ETV1: variants seen among roughly 807,000 people sequenced by gnomAD.
ETV1 encodes ETS translocation variant 1.
Under a neutral mutation model 62.3 loss-of-function variants are expected in ETV1, and 27 were observed. That is an observed-to-expected ratio of 0.43 (90% CI 0.32 to 0.60). The LOEUF (loss-of-function observed/expected upper bound fraction) is 0.60. Ranked by LOEUF, ETV1 falls within the 20% of genes least tolerant of loss-of-function variation. The pLI, the probability that ETV1 is intolerant of heterozygous loss-of-function variation, is 0.06. For synonymous variants in ETV1, 222 were observed against 199.6 expected, an observed-to-expected ratio of 1.11 and a Z score of -0.94; for missense variants, 605 against 605.8, an observed-to-expected ratio of 1.00 and a Z score of 0.01.
chr7:13,981,272 A>G (rs1427248089), intron 5 of ETV1, among the ~76,000 whole-genome samples: 3 of 152,126 alleles, frequency 2.0e-5, no homozygotes, highest in Non-Finnish European at 2.9e-5. Flanking sequence ...TGATCTCCTC[A>G]GCAATTCCTC....
At chr7:13,987,858 C>G (rs1013067447) in intron 4 of ETV1, among the ~76,000 whole-genome samples, 3 of 152,166 alleles carry the variant, frequency 2.0e-5, no homozygotes, top group Admixed American at 2.0e-4. Context: ...AGAAGGTTGT[C>G]ATTGAGAAGT....
intron 13 of ETV1, 112 bp from the exon 14 acceptor site, chr7:13,896,199 T>G (rs1781756122): frequency 1.3e-6 from 1 of 761,504 alleles, no homozygotes; most frequent in South Asian, 1.9e-5. Flanking sequence ...TGGGTAACTC[T>G]GGCCCAAAAA....
intron 6 of ETV1, 86 bp from the exon 7 acceptor site, chr7:13,939,332 G>A: frequency 1.7e-6 from 2 of 1,155,910 alleles, no homozygotes; most frequent in Non-Finnish European, 2.4e-6. Flanking sequence ...TTGTTAAAAA[G>A]GTCATTCACA....
chr7:13,980,287 T>G (rs1781853027), intron 5 of ETV1, among the ~76,000 whole-genome samples: 2 of 152,142 alleles, frequency 1.3e-5, no homozygotes, highest in South Asian at 4.1e-4. Context: ...ACAAGTTGGA[T>G]CTAGGCAAGG....
intron 6 of ETV1, among the ~76,000 whole-genome samples, chr7:13,945,166 G>C (rs1433753051): frequency 1.3e-5 from 2 of 152,042 alleles, no homozygotes; most frequent in Non-Finnish European, 2.9e-5. Flanking sequence ...ATTAGAGCTG[G>C]GTTGTATCAG....
Position 13,931,555 on chromosome 7 carries a change from A to C in ETV1, c.749T>G (p.Phe250Cys). Residue 250 changes from phenylalanine (F) to cysteine (C), a missense_variant, in exon 9 of 14, where the codon TTT becomes TGT. Phe to Cys is a radical substitution (Grantham distance 205). This residue lies in a region of ETV1 where 426 missense variants were observed against 377.8 expected (regional missense o/e 1.13). Transcript: ENST00000430479. ...TMVGSAASQS[F>C]PPPLMIKQEP... ...CTGTTTAATCATCAGAGGAGGGGGAAAGCTTTGGCTGGCCGCACTGCCAAC... is the reference window on the plus strand; with the variant it reads ...CTGTTTAATCATCAGAGGAGGGGGACAGCTTTGGCTGGCCGCACTGCCAAC... The C allele has an allele frequency of 6.2e-7, 1 of 1,614,046 alleles. No individual in the cohort carries two copies. The highest frequency in any genetic ancestry group is 8.5e-7 in the Non-Finnish European group (1 of 1,179,892).
intron 6 of ETV1, among the ~76,000 whole-genome samples, chr7:13,956,231 A>G (rs1789437735): frequency 6.6e-6 from 1 of 152,216 alleles, no homozygotes; most frequent in Non-Finnish European, 1.5e-5. Flanking sequence ...CCTATTTATA[A>G]TAATCCAGAA....
At chr7:13,910,574 A>G (rs1462435879) in intron 10 of ETV1, 5 of 348,334 alleles carry the variant, frequency 1.4e-5, no homozygotes, top group Non-Finnish European at 2.0e-5. Flanking sequence ...CTAGCCTAAA[A>G]GAATGCATCC....
intron 6 of ETV1, among the ~76,000 whole-genome samples, chr7:13,966,154 T>C (rs1383167140): frequency 6.6e-6 from 1 of 152,208 alleles, no homozygotes; most frequent in South Asian, 2.1e-4. Flanking sequence ...GACAATACTC[T>C]GTAAATAGTA....
chr7:13,983,031 A>G (rs1159487933), intron 5 of ETV1, among the ~76,000 whole-genome samples: 1 of 152,038 alleles, frequency 6.6e-6, no homozygotes, highest in Non-Finnish European at 1.5e-5. Context: ...ACATAAAACC[A>G]AAAGGAAAAA....
At chr7:13,918,044 G>C (rs1452951192) in intron 9 of ETV1, among the ~76,000 whole-genome samples, 1 of 151,992 alleles carries the variant, frequency 6.6e-6, no homozygotes, top group African/African-American at 2.4e-5. Context: ...ATTCTGAAGA[G>C]ATAGTGGTTT....
upstream of ETV1, chr7:13,989,825 C>T (rs1782885253): frequency 2.6e-6 from 1 of 382,420 alleles, no homozygotes; most frequent in Admixed American, 4.5e-5. Context: ...GCGGGTCTCC[C>T]TCGCCCCTCT....
rs572104855 is a variant in ETV1, at chr7:13,908,003, TG to T, written c.941-1405del. On this transcript the variant is annotated intron_variant, in intron 11 of 13. Coordinates refer to ENST00000430479, the MANE Select transcript of ETV1 (RefSeq NM_004956.5). Reference sequence around the variant, plus strand: ...CAGTTTTTCCTTCTGAGATTTACAATGTTTTTTTTATGGGAGTAACTGAGTA... The same window carrying T: ...CAGTTTTTCCTTCTGAGATTTACAATTTTTTTTTATGGGAGTAACTGAGTA... 42 of 370,152 alleles carry T rather than the reference TG, an allele frequency of 1.1e-4. No individual in the cohort carries two copies. The East Asian group carries it at 2.4e-3, about 21-fold the overall frequency. The allele number at this position is 370,152 out of a possible 1,614,324, so 22.9% of individuals were successfully genotyped here.
At chr7:13,972,037 G>T (rs1365408282) in intron 6 of ETV1, among the ~76,000 whole-genome samples, 1 of 152,044 alleles carries the variant, frequency 6.6e-6, no homozygotes, top group East Asian at 1.9e-4. Context: ...TTGAATCCGG[G>T]AGGCAGGAGT....
chr7:13,969,299 A>T (rs540608422), intron 6 of ETV1, among the ~76,000 whole-genome samples: 1 of 152,074 alleles, frequency 6.6e-6, no homozygotes, highest in Non-Finnish European at 1.5e-5. Flanking sequence ...AAAGATGATA[A>T]AATAAGAATA....
intron 12 of ETV1, among the ~76,000 whole-genome samples, chr7:13,905,074 A>T (rs1276192516): frequency 6.6e-6 from 1 of 151,482 alleles, no homozygotes; most frequent in Non-Finnish European, 1.5e-5. Flanking sequence ...ATTGATATAA[A>T]CTGAAGGAGA....
rs1162240909 is a variant in ETV1, at chr7:13,894,775, C to G, written c.*1091G>C. 2 of 232,516 alleles carry G rather than the reference C, an allele frequency of 8.6e-6. No individual in the cohort carries two copies. The highest frequency in any genetic ancestry group is 1.7e-5 in the Non-Finnish European group (2 of 117,398). The allele number at this position is 232,516 out of a possible 1,614,324, so 14.4% of individuals were successfully genotyped here. A position where few individuals can be genotyped will look rare whatever the true frequency, so the allele number is the denominator to read the frequency against. On this transcript the variant is annotated 3_prime_UTR_variant, in exon 14 of 14. Transcript: ENST00000430479. ...ACAGCAGCAGAAGCATTAGCATTAT[C>G]TAATATTTATATATGTTATCAACAT...
In ETV1 at chr7:13,895,428, A is replaced by G. The variant is rs868717309; in HGVS notation, c.*438T>C. 23 of 239,208 alleles carry G rather than the reference A, an allele frequency of 9.6e-5. No homozygotes were observed. The highest frequency in any genetic ancestry group is 4.6e-4 in the African/African-American group (21 of 45,536). The allele number at this position is 239,208 out of a possible 1,614,324, so 14.8% of individuals were successfully genotyped here. The stretch of plus-strand genomic sequence containing the variant: ...TGCAGAGACTCATAAATGACAGGGG[A>G]AAATGCCCAAGGCAAATAGTCTCCA... On this transcript the variant is annotated 3_prime_UTR_variant, in exon 14 of 14. Transcript: ENST00000430479.
intron 9 of ETV1, among the ~76,000 whole-genome samples, chr7:13,921,297 G>A (rs1033301312): frequency 5.9e-5 from 9 of 152,170 alleles, no homozygotes; most frequent in African/African-American, 1.9e-4. Flanking sequence ...AATCATTGCT[G>A]CCCTGGAAAT....
Sources: allele counts gnomAD v4.1 joint callset (sites outside exome capture counted in the v4.1 genomes callset), GRCh38; gene constraint gnomAD v4.1.1; regional missense constraint gnomAD v4.1.1; transcripts MANE v1.5; gene names NCBI Gene and HGNC (gene_info 2026-07-23, HGNC 2026-07-21).